Variants in CACNA1S observed in about 807,000 individuals in gnomAD.
CACNA1S encodes the protein voltage-dependent L-type calcium channel subunit alpha-1S.
A neutral mutation model predicts 207.4 loss-of-function variants in CACNA1S; 126 were observed. The ratio of observed to expected loss-of-function variants is 0.61; its 90% confidence interval spans 0.53 to 0.70. The LOEUF (loss-of-function observed/expected upper bound fraction) is 0.70. Among genes scored for constraint, CACNA1S ranks in the 30% least tolerant of loss-of-function variants. The pLI, the probability that CACNA1S is intolerant of heterozygous loss-of-function variation, is 0.00. For missense variants in CACNA1S, 2,349 were observed against 2,422.8 expected, an observed-to-expected ratio of 0.97 and a Z score of 0.64; for synonymous variants, 960 against 932.7, an observed-to-expected ratio of 1.03 and a Z score of -0.53.
At chr1:201,074,429 G>A (rs2102138234) in intron 14 of CACNA1S, 77 bp downstream of exon 14, 4 of 868,206 alleles carry the variant, frequency 4.6e-6, no homozygotes, top group Non-Finnish European at 7.7e-6. Flanking sequence ...TGGGTTACAG[G>A]GAGGCCCTGT....
At chr1:201,088,234 C>T (rs1395738351) in intron 6 of CACNA1S, among the ~76,000 whole-genome samples, 4 of 152,176 alleles carry the variant, frequency 2.6e-5, no homozygotes, top group African/African-American at 9.7e-5. Flanking sequence ...TGATCTCCCT[C>T]ATAGACTCTA....
At chr1:201,092,754 G>A (rs144956088) in intron 3 of CACNA1S, among the ~76,000 whole-genome samples, 4 of 152,278 alleles carry the variant, frequency 2.6e-5, no homozygotes, top group African/African-American at 4.8e-5. Context: ...TTCCAACCAG[G>A]GCAGTTTGTA....
intron 7 of CACNA1S, 43 bp from the exon 8 acceptor site, chr1:201,085,624 A>G: frequency 6.2e-7 from 1 of 1,610,722 alleles, no homozygotes; most frequent in South Asian, 1.1e-5. Context: ...AGAAGAGGGA[A>G]CAGTGTCAAG....
At chr1:201,040,996 G>A (rs1296707420) in intron 41 of CACNA1S, among the ~76,000 whole-genome samples, 1 of 152,214 alleles carries the variant, frequency 6.6e-6, no homozygotes, top group African/African-American at 2.4e-5. Context: ...TGGTCCCTGG[G>A]TGTGTGCACA....
intron 40 of CACNA1S, 90 bp from the exon 41 acceptor site, chr1:201,041,679 C>T (rs1660219469): frequency 9.9e-7 from 1 of 1,012,472 alleles, no homozygotes; most frequent in African/African-American, 1.6e-5. Flanking sequence ...CCTTTTCCCT[C>T]AGAGCCTGTA....
intron 7 of CACNA1S, among the ~76,000 whole-genome samples, chr1:201,086,814 G>C (rs1473450529): frequency 6.6e-6 from 1 of 152,236 alleles, no homozygotes; most frequent in South Asian, 2.1e-4. Context: ...GGAGTAGTTA[G>C]TGTAAATACT....
rs756712640 is a variant in CACNA1S at position 201,059,286 on chromosome 1, G to A, written c.3428C>T (p.Ser1143Leu). The change falls in exon 27 of 44, where the codon TCG (serine) becomes TTG (leucine). Residue 1143 changes from serine (S) to leucine (L), a missense_variant. Physicochemically the swap from Ser to Leu is moderately radical, Grantham distance 145. Transcript: ENST00000362061. ...ICLGMQHYNQ[S>L]EQMNHISDIL... ...GTCTGAGATGTGGTTCATCTGCTCCGACTGGTTGTAGTGCTGTGGAGGGGA... is the reference window on the plus strand; with the variant it reads ...GTCTGAGATGTGGTTCATCTGCTCCAACTGGTTGTAGTGCTGTGGAGGGGA... 52 of 1,612,764 alleles carry A rather than the reference G, an allele frequency of 3.2e-5. No homozygotes were observed. The highest frequency in any genetic ancestry group is 2.2e-4 in the South Asian group (20 of 91,032).
At chr1:201,055,013 G>A (rs917075798) in intron 28 of CACNA1S, among the ~76,000 whole-genome samples, 8 of 152,200 alleles carry the variant, frequency 5.3e-5, no homozygotes, top group Non-Finnish European at 8.8e-5. Flanking sequence ...CCATCTCCCA[G>A]GGGCACAGCT....
At chr1:201,041,069 T>C (rs1340870766) in intron 41 of CACNA1S, among the ~76,000 whole-genome samples, 1 of 152,206 alleles carries the variant, frequency 6.6e-6, no homozygotes, top group Non-Finnish European at 1.5e-5. Context: ...CCCAGCATCC[T>C]TGGGGCTCCT....
At chr1:201,091,929 G>C in intron 4 of CACNA1S, 43 bp downstream of exon 4, 1 of 1,613,024 alleles carries the variant, frequency 6.2e-7, no homozygotes, top group Non-Finnish European at 8.5e-7. Flanking sequence ...AAGGGAACAG[G>C]AAGGGAGAGG....
At chr1:201,076,435 C>T (rs534136504) in intron 12 of CACNA1S, among the ~76,000 whole-genome samples, 2 of 152,246 alleles carry the variant, frequency 1.3e-5, no homozygotes, top group African/African-American at 4.8e-5. Context: ...GGCCAGGGAC[C>T]CTGAAAGCTT....
rs747402764 is a variant in CACNA1S at position 201,066,913 on chromosome 1, G to T, written c.2631C>A (p.Ala877=). 6.2e-7 allele frequency: 1 copy of T among 1,613,952 alleles called. No individual in the cohort carries two copies. The highest frequency in any genetic ancestry group is 1.1e-5 in the South Asian group (1 of 91,080). The change falls in exon 20 of 44, where the codon GCC becomes GCA. Residue 877 remains alanine, a synonymous_variant. Coordinates refer to ENST00000362061, the MANE Select transcript of CACNA1S (RefSeq NM_000069.3). This position sits in a 1 kb window ranked among gnomAD's most constrained non-coding sequence, Gnocchi z 4.3. The part of the protein sequence containing the change: ...YFNMLDLLVV[A]VSLISMGLES... ...CAAGTCCCATGGAGATGAGGGACAC[G>T]GCCACCACCAGCAGGTCCAGCATGT... is the stretch of plus-strand genomic sequence containing the variant.
intron 2 of CACNA1S, among the ~76,000 whole-genome samples, chr1:201,109,745 T>C (rs78509201): frequency 0.022 from 3,328 of 152,314 alleles, 120 homozygotes; most frequent in African/African-American, 0.076. Flanking sequence ...GAAGGCAAAC[T>C]TAGTGGACAC....
intron 29 of CACNA1S, among the ~76,000 whole-genome samples, chr1:201,054,001 T>C (rs561707391): frequency 6.6e-5 from 10 of 152,286 alleles, no homozygotes; most frequent in South Asian, 2.1e-4. Context: ...GTGCAAAGAT[T>C]TCCCAAAGCT....
intron 1 of CACNA1S, among the ~76,000 whole-genome samples, chr1:201,110,631 T>C (rs1405271685): frequency 3.9e-5 from 6 of 152,300 alleles, no homozygotes; most frequent in Middle Eastern, 3.4e-3. Flanking sequence ...AGCCATGACT[T>C]TGGCAGATTC....
At chr1:201,047,800 C>T (rs1660517917) in intron 36 of CACNA1S, among the ~76,000 whole-genome samples, 174 bp from the exon 37 acceptor site, 1 of 152,234 alleles carries the variant, frequency 6.6e-6, no homozygotes, top group Non-Finnish European at 1.5e-5. Flanking sequence ...TCACTGTCCC[C>T]CTGGGGCAGC....
Position 201,039,568 on chromosome 1 carries a change from G to T in CACNA1S, c.*263C>A. 2 of 567,674 alleles carry T rather than the reference G, an allele frequency of 3.5e-6. No homozygotes were observed. Among genetic ancestry groups the T allele is most frequent in the Non-Finnish European group, 6.3e-6 (2 of 316,850 alleles). 35.2% of individuals were successfully genotyped at this position (567,674 alleles called of 1,614,324 possible). A position where few individuals can be genotyped will look rare whatever the true frequency, so the allele number is the denominator to read the frequency against. On this transcript the variant is annotated 3_prime_UTR_variant, in exon 44 of 44. Transcript: ENST00000362061. Reference sequence around the variant, plus strand: ...GTCCTGCAGGTGGGAGTGGCCCTAGGCCAGACAGGCACTGACCAGGCCTTT... The same window carrying T: ...GTCCTGCAGGTGGGAGTGGCCCTAGTCCAGACAGGCACTGACCAGGCCTTT...
At chr1:201,050,933 C>G (rs1230911343) in intron 33 of CACNA1S, 51 bp downstream of exon 33, 1 of 1,596,028 alleles carries the variant, frequency 6.3e-7, no homozygotes, top group Admixed American at 1.7e-5. Flanking sequence ...CTCCCCCATG[C>G]CTCAGCTTAT....
intron 2 of CACNA1S, 130 bp downstream of exon 2, chr1:201,110,034 G>A (rs1397929877): frequency 3.6e-6 from 3 of 832,036 alleles, no homozygotes; most frequent in African/African-American, 1.7e-5. Context: ...AGGTGGCTGG[G>A]GATGCAGGGC....
Sources: allele counts gnomAD v4.1 joint callset (sites outside exome capture counted in the v4.1 genomes callset), GRCh38; gene constraint gnomAD v4.1.1; non-coding constraint Gnocchi (gnomAD v3.1); transcripts MANE v1.5; gene names NCBI Gene and HGNC (gene_info 2026-07-23, HGNC 2026-07-21).